The following ENTREP2 variants were observed in gnomAD, a reference collection of about 807,000 sequenced individuals.
ENTREP2 encodes protein ENTREP2.
the ENTREP2 span, among the ~76,000 whole-genome samples, chr15:29,231,907 T>TTTTTTTTTTG: frequency 2.0e-5 from 3 of 149,828 alleles, no homozygotes; most frequent in Admixed American, 6.7e-5. Flanking sequence ...TTTTTTTTTT[T>TTTTTTTTTTG]TGAGACGGAG....
At chr15:29,586,851 T>C in the ENTREP2 span, among the ~76,000 whole-genome samples, 12 of 152,100 alleles carry the variant, frequency 7.9e-5, no homozygotes, top group Admixed American at 4.6e-4. Context: ...TAAAAACGAG[T>C]TGAATGGGGA....
the ENTREP2 span, among the ~76,000 whole-genome samples, chr15:29,212,708 G>T: frequency 1.3e-5 from 2 of 152,144 alleles, no homozygotes; most frequent in Non-Finnish European, 2.9e-5. Flanking sequence ...TCAGTTCGAA[G>T]AATTTTTTAA....
chr15:29,234,077 T>C, the ENTREP2 span: 1 of 1,491,514 alleles, frequency 6.7e-7, no homozygotes, highest in Non-Finnish European at 9.4e-7. Flanking sequence ...ACTTGCTTCT[T>C]CGAACCGTCT....
the ENTREP2 span, among the ~76,000 whole-genome samples, chr15:29,390,134 C>T: frequency 1.3e-5 from 2 of 152,180 alleles, no homozygotes; most frequent in Non-Finnish European, 2.9e-5. Context: ...GTAAAAGCAG[C>T]TCAGAGCCTC....
the ENTREP2 span, among the ~76,000 whole-genome samples, chr15:29,443,038 G>C: frequency 2.6e-5 from 4 of 152,182 alleles, no homozygotes; most frequent in Non-Finnish European, 5.9e-5. Flanking sequence ...CTGCGAAGGA[G>C]GGAAGCCGCA....
chr15:29,588,234 G>C, the ENTREP2 span, among the ~76,000 whole-genome samples: 1 of 152,058 alleles, frequency 6.6e-6, no homozygotes, highest in African/African-American at 2.4e-5. Flanking sequence ...GAGTAATCAT[G>C]TTGAACTGCA....
chr15:29,289,041 C>T, the ENTREP2 span, among the ~76,000 whole-genome samples: 39 of 151,794 alleles, frequency 2.6e-4, no homozygotes, highest in African/African-American at 8.7e-4. Context: ...CCTGTCTCTA[C>T]AAAAAATTAG....
chr15:29,372,738 G>T, the ENTREP2 span, among the ~76,000 whole-genome samples: 1 of 152,082 alleles, frequency 6.6e-6, no homozygotes, highest in African/African-American at 2.4e-5. Context: ...TATAAAGCTG[G>T]ACTAGTTAAA....
the ENTREP2 span, among the ~76,000 whole-genome samples, chr15:29,284,556 C>CAAAAAAAAAAAAAAAAAACAA: frequency 8.0e-6 from 1 of 125,488 alleles, no homozygotes; most frequent in Non-Finnish European, 1.6e-5. Context: ...GACTCCATCT[C>CAAAAAAAAAAAAAAAAAACAA]AAAAAAAAAA....
the ENTREP2 span, among the ~76,000 whole-genome samples, chr15:29,270,455 G>C: frequency 9.2e-5 from 14 of 152,296 alleles, no homozygotes; most frequent in African/African-American, 2.9e-4. Flanking sequence ...AAATGTTTTA[G>C]CTTGGTCACA....
chr15:29,665,462 A>G, the ENTREP2 span, among the ~76,000 whole-genome samples: 4 of 152,200 alleles, frequency 2.6e-5, no homozygotes, highest in Admixed American at 6.5e-5. Flanking sequence ...GCAGACATCA[A>G]TCGCTACCAC....
the ENTREP2 span, among the ~76,000 whole-genome samples, chr15:29,551,388 T>C: frequency 6.6e-6 from 1 of 152,206 alleles, no homozygotes; most frequent in African/African-American, 2.4e-5. Context: ...ATTTGGGCAC[T>C]GATCCTGGCT....
At chr15:29,231,887 T>TTC in the ENTREP2 span, among the ~76,000 whole-genome samples, 156 of 135,638 alleles carry the variant, frequency 1.2e-3, 1 homozygote, top group African/African-American at 4.5e-3. Flanking sequence ...TTTCTTTTCT[T>TTC]TTCTTTCTTT....
At chr15:29,202,806 G>C in the ENTREP2 span, among the ~76,000 whole-genome samples, 1 of 152,168 alleles carries the variant, frequency 6.6e-6, no homozygotes, top group African/African-American at 2.4e-5. Context: ...CCCTGCAAAA[G>C]GCATGAACTT....
At chr15:29,351,675 C>G in the ENTREP2 span, among the ~76,000 whole-genome samples, 253 of 152,282 alleles carry the variant, frequency 1.7e-3, 4 homozygotes, top group African/African-American at 5.8e-3. Flanking sequence ...CAGGGTCTCA[C>G]TCTGTCATCC....
chr15:29,597,012 C>A, the ENTREP2 span, among the ~76,000 whole-genome samples: 1 of 151,724 alleles, frequency 6.6e-6, no homozygotes, highest in Non-Finnish European at 1.5e-5. Context: ...TTGCTCTCTG[C>A]ACTGTAAAGT....
At chr15:29,656,987 G>T in the ENTREP2 span, among the ~76,000 whole-genome samples, 5 of 152,070 alleles carry the variant, frequency 3.3e-5, no homozygotes, top group African/African-American at 7.2e-5. Flanking sequence ...AGTTGCTGCC[G>T]GCCAGGGTGT....
chr15:29,624,341 A>G, the ENTREP2 span, among the ~76,000 whole-genome samples: 1 of 152,044 alleles, frequency 6.6e-6, no homozygotes, highest in Admixed American at 6.5e-5. Context: ...GCGCACACAC[A>G]CACACACACG....
the ENTREP2 span, among the ~76,000 whole-genome samples, chr15:29,392,356 C>T: frequency 8.0e-6 from 1 of 124,392 alleles, no homozygotes; most frequent in African/African-American, 3.0e-5. Context: ...TGACCCCCCC[C>T]ACCCCCGACC....
Sources: allele counts gnomAD v4.1 joint callset (sites outside exome capture counted in the v4.1 genomes callset), GRCh38; gene constraint gnomAD v4.1.1; transcripts MANE v1.5; gene names NCBI Gene and HGNC (gene_info 2026-07-23, HGNC 2026-07-21).